MARCHF1: variants seen among roughly 807,000 people sequenced by gnomAD.
MARCHF1 encodes the protein E3 ubiquitin-protein ligase MARCHF1.
In MARCHF1, 40 loss-of-function variants were observed where a neutral mutation model predicts 54.2. The observed-to-expected ratio is 0.74, with a 90% confidence interval of 0.57 to 0.96. The LOEUF (loss-of-function observed/expected upper bound fraction) is 0.96. Ranked by LOEUF, MARCHF1 falls within the 40% of genes least tolerant of loss-of-function variation. MARCHF1 has a pLI of 0.00. For missense variants in MARCHF1, 586 were observed against 656.5 expected, an observed-to-expected ratio of 0.89 and a Z score of 1.17; for synonymous variants, 236 against 236.3, an observed-to-expected ratio of 1.00 and a Z score of 0.01.
At chr4:164,356,472 T>G (rs964764600) in intron 1 of MARCHF1, among the ~76,000 whole-genome samples, 7 of 121,346 alleles carry the variant, frequency 5.8e-5, no homozygotes, top group Non-Finnish European at 9.5e-5. Flanking sequence ...TGTAGGGACA[T>G]GGATGAAATT....
chr4:164,318,807 A>G (rs1382358208), intron 1 of MARCHF1, among the ~76,000 whole-genome samples: 2 of 152,216 alleles, frequency 1.3e-5, no homozygotes, highest in Non-Finnish European at 2.9e-5. Context: ...ACATTTCACT[A>G]AGTCACAAAA....
chr4:164,000,372 G>A (rs138228196), intron 2 of MARCHF1, among the ~76,000 whole-genome samples: 26 of 151,810 alleles, frequency 1.7e-4, no homozygotes, highest in African/African-American at 6.0e-4. Context: ...CTTAACAGAT[G>A]GTAGTTGCCA....
At chr4:163,590,333 T>C (rs1217305413) in intron 7 of MARCHF1, among the ~76,000 whole-genome samples, 2 of 151,940 alleles carry the variant, frequency 1.3e-5, no homozygotes, top group East Asian at 1.9e-4. Context: ...CACTCAATAG[T>C]CATTTCATTC....
chr4:163,820,259 T>C lies in MARCHF1; in HGVS notation c.111+33762A>G, dbSNP rs116063274. Among the ~76,000 whole-genome samples the C allele has an allele frequency of 2.2e-3, 328 of 152,188 alleles. 2 individuals are homozygous for C. The highest frequency in any genetic ancestry group is 7.6e-3 in the African/African-American group (315 of 41,572). ...CTGACCTCTCATCAGCACTCTGTAA[T>C]GCTGACCCAGTTATCCTTTTGAAGT... On this transcript the variant is annotated intron_variant, in intron 4 of 9. Transcript: ENST00000514618.
chr4:164,272,258 C>T lies in MARCHF1; in HGVS notation c.-323+111612G>A, dbSNP rs193288302. Among the ~76,000 whole-genome samples, 1,218 of 152,008 alleles carry T rather than the reference C, an allele frequency of 8.0e-3. 2 individuals carry two copies. Among genetic ancestry groups the T allele is most frequent in the Middle Eastern group, 0.031 (9 of 294 alleles). On this transcript the variant is annotated intron_variant, in intron 1 of 9. Coordinates refer to ENST00000514618, the MANE Select transcript of MARCHF1 (RefSeq NM_001394959.1). ...GTATGTATATGCAGTGACTCAGCAT[C>T]TTCATTGCTAGTATGTACTCAAGAG...
Position 163,612,418 on chromosome 4 carries a change from GTCT to G in MARCHF1, c.860_862del (p.Lys287del). 1 of 1,535,382 alleles carries G rather than the reference GTCT, an allele frequency of 6.5e-7. No homozygotes were observed. The highest frequency in any genetic ancestry group is 8.7e-7 in the Non-Finnish European group (1 of 1,146,470). The stretch of plus-strand genomic sequence containing the variant: ...AGTGCTGGAATCTGTTTCTGAAAAT[GTCT>G]TCTTCATTATTTCATTTTTCCTAAG... On this transcript the variant is annotated inframe_deletion, in exon 7 of 10. Coordinates refer to ENST00000514618, the MANE Select transcript of MARCHF1 (RefSeq NM_001394959.1).
chr4:164,363,599 A>G (rs115875636), intron 1 of MARCHF1, among the ~76,000 whole-genome samples: 187 of 152,226 alleles, frequency 1.2e-3, no homozygotes, highest in African/African-American at 4.4e-3. Flanking sequence ...CTGGCCATAA[A>G]TTTTTGGGGG....
chr4:163,792,837 T>C (rs369987159), intron 4 of MARCHF1, among the ~76,000 whole-genome samples: 13 of 152,172 alleles, frequency 8.5e-5, no homozygotes, highest in African/African-American at 2.7e-4. Context: ...AAATAAACCG[T>C]AGGACGAAAT....
intron 5 of MARCHF1, among the ~76,000 whole-genome samples, chr4:163,639,826 G>C (rs1025702818): frequency 3.3e-5 from 5 of 152,110 alleles, no homozygotes; most frequent in African/African-American, 1.2e-4. Context: ...TGGTAGCTGT[G>C]ATCAGTTTTA....
chr4:164,198,349 C>T (rs541238639), intron 1 of MARCHF1, among the ~76,000 whole-genome samples: 18 of 152,158 alleles, frequency 1.2e-4, no homozygotes, highest in Non-Finnish European at 2.5e-4. Flanking sequence ...GGTTTAGATA[C>T]GGCAAGTGGT....
chr4:163,586,633 AATAGCACCACT>A (rs1740422596), intron 7 of MARCHF1, among the ~76,000 whole-genome samples: 2 of 152,240 alleles, frequency 1.3e-5, no homozygotes, highest in African/African-American at 4.8e-5. Context: ...AGTCAATTTT[AATAGCACCACT>A]ATCGTGCTAT....
intron 1 of MARCHF1, among the ~76,000 whole-genome samples, chr4:164,141,808 G>C (rs191026039): frequency 2.0e-5 from 3 of 152,292 alleles, no homozygotes; most frequent in Admixed American, 1.3e-4. Context: ...ACATATGTTG[G>C]GGGGAGGAGC....
chr4:164,146,621 T>C (rs1729751073), intron 1 of MARCHF1, among the ~76,000 whole-genome samples: 1 of 151,790 alleles, frequency 6.6e-6, no homozygotes, highest in Non-Finnish European at 1.5e-5. Context: ...GCTAGCCATA[T>C]GTAGAAAGCT....
rs200068663 is a variant in MARCHF1 at position 163,737,166 on chromosome 4, T to TC, written c.112-36304_112-36303insG. Reference sequence around the variant, plus strand: ...CAGCGCTCGCAGCTTTTTTCTTTCTTTTTTTTTTTTTTTTTTCACATATTA... The same window carrying TC: ...CAGCGCTCGCAGCTTTTTTCTTTCTTCTTTTTTTTTTTTTTTTCACATATTA... On this transcript the variant is annotated intron_variant, in intron 4 of 9. Transcript: ENST00000514618. 7.3e-3 allele frequency among the ~76,000 whole-genome samples: 446 copies of TC among 61,196 alleles called. 38 individuals carry two copies. Among genetic ancestry groups the TC allele is most frequent in the African/African-American group, 0.013 (327 of 24,462 alleles). 40.1% of individuals were successfully genotyped at this position (61,196 alleles called of 152,430 possible). A position where few individuals can be genotyped will look rare whatever the true frequency, so the allele number is the denominator to read the frequency against.
At chr4:163,701,215 C>A (rs1744801038) in intron 4 of MARCHF1, among the ~76,000 whole-genome samples, 1 of 152,106 alleles carries the variant, frequency 6.6e-6, no homozygotes, top group Non-Finnish European at 1.5e-5. Context: ...CTTGCCCTTG[C>A]AACTAGGAAA....
At chr4:163,551,158 A>C (rs752400010) in intron 8 of MARCHF1, among the ~76,000 whole-genome samples, 1 of 152,252 alleles carries the variant, frequency 6.6e-6, no homozygotes, top group South Asian at 2.1e-4. Flanking sequence ...GGTCGACTGA[A>C]AAAAATTACA....
intron 5 of MARCHF1, among the ~76,000 whole-genome samples, chr4:163,641,894 G>A (rs1742567767): frequency 6.6e-6 from 1 of 152,130 alleles, no homozygotes; most frequent in African/African-American, 2.4e-5. Flanking sequence ...GATGGGCACT[G>A]GGTGTAACTT....
Position 163,543,486 on chromosome 4 carries a change from C to A in MARCHF1, c.1339+2110G>T, listed in dbSNP as rs1433961467. Reference sequence around the variant, plus strand: ...GTAGGGGATTATGCATTGCGACACGCTGAGACTTTCAAACAATCATTCAGA... The same window carrying A: ...GTAGGGGATTATGCATTGCGACACGATGAGACTTTCAAACAATCATTCAGA... On this transcript the variant is annotated intron_variant, in intron 9 of 9. Coordinates refer to ENST00000514618, the MANE Select transcript of MARCHF1 (RefSeq NM_001394959.1). Among the ~76,000 whole-genome samples, 3 of 151,586 alleles carry A rather than the reference C, an allele frequency of 2.0e-5. No individual in the cohort carries two copies. In the South Asian group the frequency reaches 6.3e-4, roughly 32 times the overall value.
chr4:164,332,785 A>G (rs1729590398), intron 1 of MARCHF1, among the ~76,000 whole-genome samples: 1 of 152,174 alleles, frequency 6.6e-6, no homozygotes, highest in Non-Finnish European at 1.5e-5. Context: ...ATTGTGGGTG[A>G]AAAGTTCTGC....
Sources: gnomAD v4.1 joint callset for allele counts (sites outside exome capture counted in the v4.1 genomes callset) on GRCh38, gnomAD v4.1.1 for gene constraint, MANE v1.5 for transcripts, NCBI Gene and HGNC (gene_info 2026-07-23, HGNC 2026-07-21) for gene names.